PCSK5: variants seen among roughly 807,000 people sequenced by gnomAD.
PCSK5 encodes prohormone convertase 5.
Under a neutral mutation model 233.2 loss-of-function variants are expected in PCSK5, and 129 were observed. The observed-to-expected ratio is 0.55, with a 90% CI of 0.48 to 0.64. The LOEUF (loss-of-function observed/expected upper bound fraction) is 0.64. PCSK5 is among the 30% of genes least tolerant of loss of function. The pLI, the probability that PCSK5 is intolerant of heterozygous loss-of-function variation, is 0.00. For synonymous variants in PCSK5, 825 were observed against 879.2 expected, an observed-to-expected ratio of 0.94 and a Z score of 1.09; for missense variants, 2,076 against 2,430.1, an observed-to-expected ratio of 0.85 and a Z score of 3.06.
At chr9:76,054,737 C>T (rs999226856) in intron 5 of PCSK5, among the ~76,000 whole-genome samples, 3 of 152,134 alleles carry the variant, frequency 2.0e-5, no homozygotes, top group East Asian at 1.9e-4. Flanking sequence ...TAGTTTCCCA[C>T]GATGGTAACA....
intron 5 of PCSK5, among the ~76,000 whole-genome samples, chr9:76,061,372 C>G (rs972654396): frequency 6.6e-6 from 1 of 151,952 alleles, no homozygotes; most frequent in Non-Finnish European, 1.5e-5. Flanking sequence ...AACTAATTAC[C>G]CACATATATT....
chr9:76,303,870 A>G (rs1348808604), intron 28 of PCSK5, among the ~76,000 whole-genome samples: 2 of 152,190 alleles, frequency 1.3e-5, no homozygotes, highest in Non-Finnish European at 2.9e-5. Flanking sequence ...AGCTTTAATT[A>G]GTGTATTGGA....
At chr9:76,310,880 G>C in intron 30 of PCSK5, 29 bp downstream of exon 30, 4 of 1,423,152 alleles carry the variant, frequency 2.8e-6, no homozygotes, top group Non-Finnish European at 3.8e-6. Context: ...TTTACTTCCT[G>C]CTTGTAATCA....
intron 15 of PCSK5, among the ~76,000 whole-genome samples, chr9:76,180,326 T>C (rs1311750889): frequency 6.6e-6 from 1 of 152,090 alleles, no homozygotes; most frequent in African/African-American, 2.4e-5. Context: ...ACAAGTTTCA[T>C]GTCCTTTCCA....
At chr9:75,983,274 T>G (rs1236196716) in intron 2 of PCSK5, among the ~76,000 whole-genome samples, 1 of 152,184 alleles carries the variant, frequency 6.6e-6, no homozygotes, top group Non-Finnish European at 1.5e-5. Flanking sequence ...CTTACATAAT[T>G]TATATGCATA....
chr9:76,183,836 A>T lies in PCSK5; in HGVS notation c.2198-837A>T, dbSNP rs145366982. Among the ~76,000 whole-genome samples, 294 of 152,336 alleles carry T rather than the reference A, an allele frequency of 1.9e-3. 3 individuals carry two copies. The highest frequency in any genetic ancestry group is 6.6e-3 in the African/African-American group (274 of 41,590). On this transcript the variant is annotated intron_variant, in intron 16 of 37. Transcript: ENST00000674117. ...GCTTCATTCATTTCTACAAATTCAC[A>T]TGGATATAATCCACTTGCATATCAG...
chr9:76,054,939 A>G (rs2131564954), intron 5 of PCSK5, among the ~76,000 whole-genome samples: 1 of 152,324 alleles, frequency 6.6e-6, no homozygotes, highest in East Asian at 1.9e-4. Flanking sequence ...TGATATATCT[A>G]ATGCTAATTA....
At chr9:76,078,439 G>T (rs1830714949) in intron 7 of PCSK5, among the ~76,000 whole-genome samples, 1 of 152,086 alleles carries the variant, frequency 6.6e-6, no homozygotes, top group Non-Finnish European at 1.5e-5. Flanking sequence ...AATCCATCCT[G>T]AGTTAATTTT....
At chr9:76,344,832 T>C (rs1018201728) in intron 35 of PCSK5, among the ~76,000 whole-genome samples, 6 of 152,198 alleles carry the variant, frequency 3.9e-5, no homozygotes, top group African/African-American at 1.2e-4. Flanking sequence ...TGGGTCCTAA[T>C]TAACATTAGA....
intron 27 of PCSK5, among the ~76,000 whole-genome samples, chr9:76,297,436 G>C (rs1007859399): frequency 6.6e-6 from 1 of 152,160 alleles, no homozygotes; most frequent in Admixed American, 6.5e-5. Flanking sequence ...CAGGGAAAGC[G>C]TGAAGCTTCT....
At chr9:76,215,079 A>G (rs1372035833) in intron 20 of PCSK5, among the ~76,000 whole-genome samples, 1 of 152,202 alleles carries the variant, frequency 6.6e-6, no homozygotes, top group East Asian at 1.9e-4. Flanking sequence ...ACACTAGACA[A>G]TTGCATAAGC....
At chr9:75,921,572 G>T (rs893756009) in intron 1 of PCSK5, among the ~76,000 whole-genome samples, 2 of 149,096 alleles carry the variant, frequency 1.3e-5, no homozygotes, top group Non-Finnish European at 3.0e-5. Flanking sequence ...TCGTTTGTGT[G>T]TGTGTGTGTA....
At chr9:76,310,999 C>T in intron 30 of PCSK5, 148 bp downstream of exon 30, 1 of 563,720 alleles carries the variant, frequency 1.8e-6, no homozygotes, top group Non-Finnish European at 3.1e-6. Context: ...GGGTGTGCGC[C>T]ACAGCAGCCA....
At chr9:75,980,959 T>C (rs1020777052) in intron 2 of PCSK5, among the ~76,000 whole-genome samples, 2 of 152,238 alleles carry the variant, frequency 1.3e-5, no homozygotes, top group Non-Finnish European at 2.9e-5. Context: ...TGCTCTATTT[T>C]GTTTTCAAAG....
intron 2 of PCSK5, among the ~76,000 whole-genome samples, chr9:75,975,831 T>G (rs1825992068): frequency 6.6e-6 from 1 of 152,200 alleles, no homozygotes; most frequent in African/African-American, 2.4e-5. Flanking sequence ...TTCGAATTGC[T>G]TAGAGGATGA....
chr9:76,208,707 T>C (rs2131281735), intron 20 of PCSK5, among the ~76,000 whole-genome samples: 1 of 152,352 alleles, frequency 6.6e-6, no homozygotes, highest in Non-Finnish European at 1.5e-5. Flanking sequence ...TCTTTTCATA[T>C]GAGAATGTTC....
intron 8 of PCSK5, among the ~76,000 whole-genome samples, chr9:76,101,506 A>G (rs2131666810): frequency 6.6e-6 from 1 of 152,320 alleles, no homozygotes; most frequent in East Asian, 1.9e-4. Context: ...TGTTTTATAA[A>G]TAAGGCTCCC....
chr9:76,230,244 C>T (rs939878731), intron 21 of PCSK5, among the ~76,000 whole-genome samples: 1 of 152,168 alleles, frequency 6.6e-6, no homozygotes, highest in African/African-American at 2.4e-5. Flanking sequence ...CCCTATCTTT[C>T]TATCTTTAGA....
chr9:75,928,721 G>T (rs1366161941), intron 1 of PCSK5, among the ~76,000 whole-genome samples: 3 of 146,982 alleles, frequency 2.0e-5, no homozygotes, highest in Non-Finnish European at 4.5e-5. Flanking sequence ...CTGTTATCTT[G>T]CAAACAAAAT....
Sources: gnomAD v4.1 joint callset for allele counts (sites outside exome capture counted in the v4.1 genomes callset) on GRCh38, gnomAD v4.1.1 for gene constraint, MANE v1.5 for transcripts, NCBI Gene and HGNC (gene_info 2026-07-23, HGNC 2026-07-21) for gene names.